The following RBKS variants were observed in gnomAD, a reference collection of about 807,000 sequenced individuals.
RBKS encodes the protein ribokinase.
Under a neutral mutation model 33.9 loss-of-function variants are expected in RBKS, and 33 were observed. That is an observed-to-expected ratio of 0.97 (90% CI 0.74 to 1.30). The LOEUF (loss-of-function observed/expected upper bound fraction) is 1.30, where lower values mean the gene tolerates loss of function less well. Among genes scored for constraint, RBKS ranks in the 50% most tolerant of loss-of-function variants. RBKS has a pLI of 0.00. For synonymous variants in RBKS, 125 were observed against 143.0 expected (o/e 0.87, Z 0.90); for missense variants, 361 against 392.6 (o/e 0.92, Z 0.68).
intron 1 of RBKS, chr2:27,861,484 C>T (rs775094645): frequency 2.1e-6 from 1 of 471,086 alleles, no homozygotes; most frequent in South Asian, 1.5e-5. Context: ...AACTAGAAGT[C>T]ATATATTCCT....
chr2:27,840,348 A>G (rs1663460575), intron 5 of RBKS, among the ~76,000 whole-genome samples: 1 of 136,240 alleles, frequency 7.3e-6, no homozygotes, highest in African/African-American at 3.2e-5. Flanking sequence ...ACACACACAC[A>G]CACACACGCG....
At chr2:27,887,262 G>A (rs1664553646) in intron 1 of RBKS, among the ~76,000 whole-genome samples, 1 of 152,132 alleles carries the variant, frequency 6.6e-6, no homozygotes, top group Non-Finnish European at 1.5e-5. Flanking sequence ...AGCCAAGGAT[G>A]TGGGCAGCCT....
intron 1 of RBKS, among the ~76,000 whole-genome samples, chr2:27,864,799 G>C (rs1182445822): frequency 6.6e-6 from 1 of 152,136 alleles, no homozygotes; most frequent in Non-Finnish European, 1.5e-5. Context: ...GCCTATATAG[G>C]ACATTTCACA....
At chr2:27,809,155 C>T (rs1477460036) in intron 7 of RBKS, among the ~76,000 whole-genome samples, 2 of 152,330 alleles carry the variant, frequency 1.3e-5, no homozygotes, top group South Asian at 4.1e-4. Flanking sequence ...ACTGGCACAC[C>T]CCTTGTTTGG....
rs1664697072 is a variant in RBKS at position 27,890,168 on chromosome 2, A to AC, written c.89+88dup. 4.0e-6 allele frequency: 5 copies of AC among 1,236,174 alleles called. No individual in the cohort carries two copies. Among genetic ancestry groups the AC allele is most frequent in the Admixed American group, 3.7e-5 (2 of 54,414 alleles). 76.6% of individuals were successfully genotyped at this position (1,236,174 alleles called of 1,614,324 possible). Reference sequence around the variant, plus strand: ...AAGCTAGCACTGTCTATCCCTGGAGACCCAGCGCCCAAAAGCTCCACTGGG... The same window carrying AC: ...AAGCTAGCACTGTCTATCCCTGGAGACCCCAGCGCCCAAAAGCTCCACTGGG... On this transcript the variant is annotated intron_variant, in intron 1 of 7. Coordinates refer to ENST00000302188, the MANE Select transcript of RBKS (RefSeq NM_022128.3). The surrounding 1 kb of genome is among the most constrained non-coding windows in gnomAD (Gnocchi z 4.8).
intron 1 of RBKS, among the ~76,000 whole-genome samples, chr2:27,879,333 C>A (rs915587929): frequency 6.6e-6 from 1 of 152,132 alleles, no homozygotes; most frequent in African/African-American, 2.4e-5. Context: ...TCCTAAACTC[C>A]TGTTGAAATT....
intron 7 of RBKS, among the ~76,000 whole-genome samples, chr2:27,792,331 CTG>C (rs1285855048): frequency 1.3e-5 from 2 of 152,188 alleles, no homozygotes; most frequent in Non-Finnish European, 2.9e-5. Flanking sequence ...TGTAAATTCT[CTG>C]TGACTTTGTT....
chr2:27,820,200 G>A (rs1030738466), intron 7 of RBKS, among the ~76,000 whole-genome samples: 14 of 152,248 alleles, frequency 9.2e-5, no homozygotes, highest in African/African-American at 3.4e-4. Context: ...AAAAATACAG[G>A]CTTATGGAAA....
Position 27,890,188 on chromosome 2 carries a change from A to T in RBKS, c.89+69T>A. 1 of 1,476,822 alleles carries T rather than the reference A, an allele frequency of 6.8e-7. No individual in the cohort carries two copies. Among genetic ancestry groups the T allele is most frequent in the Non-Finnish European group, 9.4e-7 (1 of 1,064,412 alleles). The allele number at this position is 1,476,822 out of a possible 1,614,324, so 91.5% of individuals were successfully genotyped here. On this transcript the variant is annotated intron_variant, in intron 1 of 7. Transcript: ENST00000302188. This position sits in a 1 kb window ranked among gnomAD's most constrained non-coding sequence, Gnocchi z 4.8. ...TGGAGACCCAGCGCCCAAAAGCTCC[A>T]CTGGGCGCATAGCGCACGGCACGCC...
At chr2:27,805,452 T>A (rs1164665776) in intron 7 of RBKS, among the ~76,000 whole-genome samples, 1 of 152,250 alleles carries the variant, frequency 6.6e-6, no homozygotes, top group Non-Finnish European at 1.5e-5. Context: ...GTGTGCCATG[T>A]TCCAGGCATA....
rs747321475 is a variant in RBKS, at chr2:27,832,760, G to A, written c.532C>T (p.Pro178Ser). 6.2e-7 allele frequency: 1 copy of A among 1,611,372 alleles called. No homozygotes were observed. Among genetic ancestry groups the A allele is most frequent in the Non-Finnish European group, 8.5e-7 (1 of 1,177,478 alleles). Residue 178 changes from proline to serine, a missense_variant, in exon 6 of 8, where the codon CCA becomes TCA. Pro to Ser is a moderately conservative substitution (Grantham distance 74, BLOSUM62 -1). Coordinates refer to ENST00000302188, the MANE Select transcript of RBKS (RefSeq NM_022128.3). ...TCCAGGTCAGCAATGGCAGGGGCTG[G>A]ATTGAACAAGGTTTTCACTACAAAG... Reference protein sequence around the residue: ...RRSGVKTLFNPAPAIADLDPQ... With the variant: ...RRSGVKTLFNSAPAIADLDPQ...
chr2:27,884,891 A>C (rs1207715629), intron 1 of RBKS, among the ~76,000 whole-genome samples: 1 of 152,040 alleles, frequency 6.6e-6, no homozygotes, highest in Admixed American at 6.6e-5. Context: ...TTTTATTAAA[A>C]ATTTATCCTT....
At chr2:27,836,706 AG>A (rs1678527660) in intron 5 of RBKS, among the ~76,000 whole-genome samples, 1 of 152,236 alleles carries the variant, frequency 6.6e-6, no homozygotes, top group South Asian at 2.1e-4. Context: ...TAGAGTAAAC[AG>A]AAAACCTATA....
intron 5 of RBKS, among the ~76,000 whole-genome samples, chr2:27,841,330 G>A (rs1361413574): frequency 6.6e-6 from 1 of 152,154 alleles, no homozygotes; most frequent in East Asian, 1.9e-4. Flanking sequence ...TGAGCAGTAA[G>A]GGATAGTAGG....
intron 7 of RBKS, among the ~76,000 whole-genome samples, chr2:27,796,057 C>T (rs998937667): frequency 1.2e-4 from 19 of 152,166 alleles, no homozygotes; most frequent in Admixed American, 5.9e-4. Context: ...CTGAACTACA[C>T]GTGACTTTCT....
intron 7 of RBKS, among the ~76,000 whole-genome samples, chr2:27,820,235 G>A (rs1420498286): frequency 6.6e-6 from 1 of 152,158 alleles, no homozygotes; most frequent in African/African-American, 2.4e-5. Flanking sequence ...AGTAGAGTAT[G>A]GAGTAGACAG....
At chr2:27,851,388 T>C (rs773281000) in intron 2 of RBKS, among the ~76,000 whole-genome samples, 4 of 152,136 alleles carry the variant, frequency 2.6e-5, no homozygotes, top group Non-Finnish European at 5.9e-5. Context: ...TTCAATACCA[T>C]CTTATATTGT....
At chr2:27,878,751 T>C (rs1664365965) in intron 1 of RBKS, among the ~76,000 whole-genome samples, 1 of 152,250 alleles carries the variant, frequency 6.6e-6, no homozygotes, top group Admixed American at 6.5e-5. Flanking sequence ...TATCTCATTA[T>C]GGTTTTGATT....
intron 5 of RBKS, 132 bp downstream of exon 5, chr2:27,842,933 CTG>C (rs1405634368): frequency 2.4e-5 from 15 of 619,938 alleles, no homozygotes; most frequent in African/African-American, 2.3e-4. Context: ...AACCACAAGA[CTG>C]TGAATCTCAC....
Sources: gnomAD v4.1 joint callset for allele counts (sites outside exome capture counted in the v4.1 genomes callset) on GRCh38, gnomAD v4.1.1 for gene constraint, Gnocchi (gnomAD v3.1) non-coding constraint, MANE v1.5 for transcripts, NCBI Gene and HGNC (gene_info 2026-07-23, HGNC 2026-07-21) for gene names.